Variants in EXOC6B observed in about 807,000 individuals in gnomAD.
The protein encoded by EXOC6B is SEC15 homolog B.
A neutral mutation model predicts 113.5 loss-of-function variants in EXOC6B; 54 were observed. The ratio of observed to expected loss-of-function variants is 0.48; its 90% CI spans 0.38 to 0.60. The LOEUF (loss-of-function observed/expected upper bound fraction) is 0.60. Ranked by LOEUF, EXOC6B falls within the 20% of genes least tolerant of loss-of-function variation. EXOC6B has a pLI of 0.00. For synonymous variants in EXOC6B, 357 were observed against 339.0 expected (o/e 1.05, Z -0.58); for missense variants, 797 against 977.5 (o/e 0.82, Z 2.46).
chr2:72,208,202 C>T (rs980665121), intron 20 of EXOC6B, among the ~76,000 whole-genome samples: 4 of 151,856 alleles, frequency 2.6e-5, no homozygotes, highest in Non-Finnish European at 4.4e-5. Flanking sequence ...GAGCACAGTA[C>T]CCAATAGGTA....
chr2:72,522,830 T>C (rs1489295962), intron 8 of EXOC6B, among the ~76,000 whole-genome samples: 2 of 152,214 alleles, frequency 1.3e-5, no homozygotes, highest in Non-Finnish European at 2.9e-5. Flanking sequence ...TCATATTCTA[T>C]ATACTCTTTT....
chr2:72,783,700 G>A (rs1684207115), intron 1 of EXOC6B, among the ~76,000 whole-genome samples: 1 of 152,044 alleles, frequency 6.6e-6, no homozygotes, highest in Non-Finnish European at 1.5e-5. Flanking sequence ...GAATAAATGT[G>A]GAGATTTTTT....
At chr2:72,686,863 G>T (rs1185371783) in intron 6 of EXOC6B, among the ~76,000 whole-genome samples, 1 of 152,136 alleles carries the variant, frequency 6.6e-6, no homozygotes, top group African/African-American at 2.4e-5. Flanking sequence ...CGCTTCAGCT[G>T]GGCGGTGGCT....
chr2:72,824,048 T>A (rs1686755564), intron 1 of EXOC6B, among the ~76,000 whole-genome samples: 1 of 151,926 alleles, frequency 6.6e-6, no homozygotes, highest in Non-Finnish European at 1.5e-5. Flanking sequence ...GACAGGCAAC[T>A]GTGTGGAAGA....
chr2:72,749,430 A>G (rs1307862135), intron 1 of EXOC6B, among the ~76,000 whole-genome samples: 1 of 152,080 alleles, frequency 6.6e-6, no homozygotes. Flanking sequence ...ACTCTTCCAG[A>G]TTCTTTACAA....
At chr2:72,669,190 T>C (rs1482683417) in intron 6 of EXOC6B, among the ~76,000 whole-genome samples, 1 of 152,074 alleles carries the variant, frequency 6.6e-6, no homozygotes, top group East Asian at 1.9e-4. Flanking sequence ...CCTGTCAACA[T>C]TGTTCACCAG....
At chr2:72,642,039 C>T (rs1488822948) in intron 6 of EXOC6B, among the ~76,000 whole-genome samples, 1 of 152,134 alleles carries the variant, frequency 6.6e-6, no homozygotes, top group African/African-American at 2.4e-5. Flanking sequence ...GAAATAGCAT[C>T]AACATCAACA....
chr2:72,177,817 G>A lies in EXOC6B; in HGVS notation c.*1518C>T, dbSNP rs1481715291. 1 of 152,194 alleles carries A rather than the reference G, an allele frequency of 6.6e-6. No individual in the cohort carries two copies. Among genetic ancestry groups the A allele is most frequent in the Non-Finnish European group, 1.5e-5 (1 of 68,036 alleles). The allele number at this position is 152,194 out of a possible 1,614,324, so 9.4% of individuals were successfully genotyped here. A position where few individuals can be genotyped will look rare whatever the true frequency, so the allele number is the denominator to read the frequency against. ...TGAGTCTCTCCTCCCATCAATCCAA[G>A]CTGGAAATGCCTGTGTGGCTTATTT... On this transcript the variant is annotated 3_prime_UTR_variant, in exon 22 of 22. Coordinates refer to ENST00000272427, the MANE Select transcript of EXOC6B (RefSeq NM_015189.3).
intron 6 of EXOC6B, among the ~76,000 whole-genome samples, chr2:72,682,812 T>C (rs1676807006): frequency 6.6e-6 from 1 of 152,184 alleles, no homozygotes; most frequent in Non-Finnish European, 1.5e-5. Flanking sequence ...GGTATTATCT[T>C]ATATACTAGA....
chr2:72,465,082 A>G (rs1267056217), intron 18 of EXOC6B, 78 bp downstream of exon 18: 1 of 1,254,918 alleles, frequency 8.0e-7, no homozygotes, highest in African/African-American at 1.5e-5. Context: ...TTACAGCAGA[A>G]ACTAACATCT....
At chr2:72,410,466 T>C (rs1185218781) in intron 18 of EXOC6B, among the ~76,000 whole-genome samples, 1 of 152,234 alleles carries the variant, frequency 6.6e-6, no homozygotes, top group Non-Finnish European at 1.5e-5. Flanking sequence ...TAGTATCAAG[T>C]AAGCAACATT....
chr2:72,630,028 T>C (rs1672291450), intron 6 of EXOC6B, among the ~76,000 whole-genome samples: 1 of 152,218 alleles, frequency 6.6e-6, no homozygotes, highest in South Asian at 2.1e-4. Flanking sequence ...TTCTTGTCCT[T>C]AATACTCAAC....
At chr2:72,796,481 G>A (rs1573811494) in intron 1 of EXOC6B, among the ~76,000 whole-genome samples, 1 of 146,938 alleles carries the variant, frequency 6.8e-6, no homozygotes, top group African/African-American at 2.5e-5. Flanking sequence ...GCCTCATAAT[G>A]TTTTAACAAG....
At chr2:72,766,943 C>T (rs1194327324) in intron 1 of EXOC6B, among the ~76,000 whole-genome samples, 48 of 145,442 alleles carry the variant, frequency 3.3e-4, no homozygotes, top group African/African-American at 1.2e-3. Flanking sequence ...CAGAGTGAGA[C>T]CCTGTCTCAA....
At chr2:72,364,433 C>T (rs536911665) in intron 19 of EXOC6B, among the ~76,000 whole-genome samples, 54 of 152,092 alleles carry the variant, frequency 3.6e-4, no homozygotes, top group African/African-American at 1.3e-3. Flanking sequence ...ACTGTCAAGC[C>T]CTTCAAATGT....
intron 1 of EXOC6B, among the ~76,000 whole-genome samples, chr2:72,772,013 A>T (rs570287849): frequency 5.3e-5 from 8 of 152,296 alleles, no homozygotes; most frequent in Non-Finnish European, 1.2e-4. Context: ...ACAAAAATAT[A>T]TTCAAAAGAA....
chr2:72,336,181 G>A (rs1688679855), intron 19 of EXOC6B, among the ~76,000 whole-genome samples: 1 of 152,112 alleles, frequency 6.6e-6, no homozygotes, highest in Non-Finnish European at 1.5e-5. Flanking sequence ...TTCAAATTAT[G>A]CTTCTATCCA....
intron 8 of EXOC6B, among the ~76,000 whole-genome samples, chr2:72,531,076 G>A (rs538694029): frequency 6.6e-6 from 1 of 152,044 alleles, no homozygotes; most frequent in East Asian, 1.9e-4. Flanking sequence ...TTATTCACAT[G>A]TTAGGGCTTA....
At chr2:72,638,295 G>A (rs1418144941) in intron 6 of EXOC6B, among the ~76,000 whole-genome samples, 2 of 152,096 alleles carry the variant, frequency 1.3e-5, no homozygotes, top group African/African-American at 4.8e-5. Context: ...ACTTACTAGG[G>A]TTGAACAATG....
Sources: allele counts gnomAD v4.1 joint callset (sites outside exome capture counted in the v4.1 genomes callset), GRCh38; gene constraint gnomAD v4.1.1; transcripts MANE v1.5; gene names NCBI Gene and HGNC (gene_info 2026-07-23, HGNC 2026-07-21).